Variants in GREB1L observed in about 807,000 individuals in gnomAD.
GREB1L encodes GREB1 like retinoic acid receptor coactivator.
Under a neutral mutation model 200.8 loss-of-function variants are expected in GREB1L, and 17 were observed. The ratio of observed to expected loss-of-function variants is 0.08; its 90% CI spans 0.06 to 0.13. The LOEUF is 0.13. Among genes scored for constraint, GREB1L ranks in the 10% least tolerant of loss-of-function variants. GREB1L has a pLI of 1.00. For missense variants in GREB1L, 1,657 were observed against 2,367.7 expected (o/e 0.70, Z 6.23); for synonymous variants, 789 against 893.0 (o/e 0.88, Z 2.08).
At chr18:21,440,534 T>C (rs2145248668) in intron 9 of GREB1L, 146 bp downstream of exon 9, 2 of 777,204 alleles carry the variant, frequency 2.6e-6, no homozygotes, top group Non-Finnish European at 4.1e-6. Flanking sequence ...ACATTTGCCT[T>C]CCCTACATGC....
Position 21,516,764 on chromosome 18 carries a change from G to C in GREB1L, c.5271+10G>C, listed in dbSNP as rs369211722. Reference sequence around the variant, plus strand: ...TAAACCAAAGATCATGGTGAGTACCGCAAGCTTGATTCAAGTGCTGAAAAT... The same window carrying C: ...TAAACCAAAGATCATGGTGAGTACCCCAAGCTTGATTCAAGTGCTGAAAAT... On this transcript the variant is annotated intron_variant, in intron 30 of 32. Transcript: ENST00000424526. 4 of 1,547,766 alleles carry C rather than the reference G, an allele frequency of 2.6e-6. No homozygotes were observed. The highest frequency in any genetic ancestry group is 2.4e-5 in the South Asian group (2 of 83,658).
chr18:21,350,380 G>A (rs2039415610), intron 1 of GREB1L, among the ~76,000 whole-genome samples: 2 of 151,556 alleles, frequency 1.3e-5, no homozygotes, highest in African/African-American at 2.4e-5. Flanking sequence ...TGAGATTACA[G>A]GCACACATCA....
intron 23 of GREB1L, among the ~76,000 whole-genome samples, chr18:21,502,076 AC>A (rs1471695592): frequency 6.6e-6 from 1 of 152,110 alleles, no homozygotes; most frequent in Non-Finnish European, 1.5e-5. Context: ...ACATGGTGAA[AC>A]CCTGTCTCTA....
chr18:21,508,764 T>C, intron 27 of GREB1L, 173 bp downstream of exon 27: 3 of 638,220 alleles, frequency 4.7e-6, no homozygotes, highest in Non-Finnish European at 8.1e-6. Context: ...ATTTGAGTTT[T>C]CTTTTTCCCT....
intron 18 of GREB1L, among the ~76,000 whole-genome samples, chr18:21,488,698 C>G (rs566197368): frequency 6.6e-6 from 1 of 152,298 alleles, no homozygotes; most frequent in South Asian, 2.1e-4. Context: ...ACTCCGTCGC[C>G]CAGGCTGGAG....
intron 7 of GREB1L, among the ~76,000 whole-genome samples, chr18:21,424,246 T>C (rs904290082): frequency 1.3e-5 from 2 of 152,200 alleles, no homozygotes; most frequent in Non-Finnish European, 2.9e-5. Flanking sequence ...CCCTGGTTTA[T>C]AATTTTGTTT....
At chr18:21,463,471 C>G (rs1222900754) in intron 15 of GREB1L, among the ~76,000 whole-genome samples, 1 of 151,940 alleles carries the variant, frequency 6.6e-6, no homozygotes, top group Non-Finnish European at 1.5e-5. Flanking sequence ...AACCAGGGTT[C>G]TCAAATGAAA....
At chr18:21,359,718 A>G (rs1259835576) in intron 1 of GREB1L, among the ~76,000 whole-genome samples, 3 of 152,204 alleles carry the variant, frequency 2.0e-5, no homozygotes, top group Non-Finnish European at 4.4e-5. Flanking sequence ...TTAACAGTCT[A>G]TTGCACTGAA....
chr18:21,344,575 A>G (rs1220647176), intron 1 of GREB1L, among the ~76,000 whole-genome samples: 2 of 152,220 alleles, frequency 1.3e-5, no homozygotes, highest in Non-Finnish European at 2.9e-5. Context: ...CTGGGAATTT[A>G]CAGTCTAATC....
intron 1 of GREB1L, among the ~76,000 whole-genome samples, chr18:21,304,531 G>A (rs113133318): frequency 5.9e-5 from 9 of 151,888 alleles, no homozygotes; most frequent in African/African-American, 1.9e-4. Context: ...AAAAAAGTAC[G>A]TGTGACCTTT....
At chr18:21,413,793 A>T (rs1442858250) in intron 7 of GREB1L, among the ~76,000 whole-genome samples, 1 of 152,226 alleles carries the variant, frequency 6.6e-6, no homozygotes, top group African/African-American at 2.4e-5. Context: ...ATTCCTGCTA[A>T]GAGAAAATGC....
chr18:21,292,631 C>T (rs2038468170), intron 1 of GREB1L, among the ~76,000 whole-genome samples: 1 of 152,210 alleles, frequency 6.6e-6, no homozygotes, highest in African/African-American at 2.4e-5. Flanking sequence ...TGTCTGGCGT[C>T]TTTCACTTAG....
chr18:21,270,560 C>CT (rs915650244), intron 1 of GREB1L, among the ~76,000 whole-genome samples: 3 of 152,232 alleles, frequency 2.0e-5, no homozygotes, highest in Non-Finnish European at 2.9e-5. Flanking sequence ...CACACACCCA[C>CT]TCTTCGAGTG....
intron 1 of GREB1L, among the ~76,000 whole-genome samples, chr18:21,326,825 A>G (rs1243773672): frequency 6.6e-6 from 1 of 152,240 alleles, no homozygotes; most frequent in Non-Finnish European, 1.5e-5. Flanking sequence ...GTTAAATAGA[A>G]GTATTAACCA....
At chr18:21,378,446 A>G (rs1414823718) in intron 2 of GREB1L, among the ~76,000 whole-genome samples, 2 of 151,864 alleles carry the variant, frequency 1.3e-5, no homozygotes, top group Non-Finnish European at 2.9e-5. Context: ...GGAGTGCAGC[A>G]GCGCCATCTT....
At chr18:21,428,321 TGTC>T (rs745482093) in intron 7 of GREB1L, among the ~76,000 whole-genome samples, 1 of 140,864 alleles carries the variant, frequency 7.1e-6, no homozygotes, top group South Asian at 2.2e-4. Context: ...TTTGGGTTTT[TGTC>T]TTTTTGTCTT....
chr18:21,483,338 G>T (rs2035995512), intron 17 of GREB1L, among the ~76,000 whole-genome samples: 1 of 152,180 alleles, frequency 6.6e-6, no homozygotes, highest in South Asian at 2.1e-4. Context: ...ATGACTCTGT[G>T]TCTGCAGTCC....
At chr18:21,375,032 G>A (rs2040015924) in intron 2 of GREB1L, among the ~76,000 whole-genome samples, 1 of 149,690 alleles carries the variant, frequency 6.7e-6, no homozygotes, top group South Asian at 2.1e-4. Context: ...TTGATGTGAG[G>A]AGGTTTTTTG....
intron 1 of GREB1L, among the ~76,000 whole-genome samples, chr18:21,359,449 C>A (rs1348270894): frequency 3.3e-5 from 5 of 149,726 alleles, no homozygotes; most frequent in Non-Finnish European, 7.4e-5. Context: ...GACTCCATCT[C>A]AAAAAAAAAT....
Sources: allele counts gnomAD v4.1 joint callset (sites outside exome capture counted in the v4.1 genomes callset), GRCh38; gene constraint gnomAD v4.1.1; transcripts MANE v1.5; gene names NCBI Gene and HGNC (gene_info 2026-07-23, HGNC 2026-07-21).